COQ10B: variants seen among roughly 807,000 people sequenced by gnomAD.
COQ10B encodes the protein coenzyme Q10B, also known as coenzyme Q-binding protein COQ10 homolog B, mitochondrial.
In COQ10B, 12 loss-of-function variants were observed where a neutral mutation model predicts 27.6. The ratio of observed to expected loss-of-function variants is 0.43; its 90% CI spans 0.28 to 0.70. The LOEUF (loss-of-function observed/expected upper bound fraction) is 0.70, where lower values mean the gene tolerates loss of function less well. Ranked by LOEUF, COQ10B falls within the 30% of genes least tolerant of loss-of-function variation. COQ10B has a pLI of 0.17. For synonymous variants in COQ10B, 115 were observed against 103.0 expected, an observed-to-expected ratio of 1.12 and a Z score of -0.71; for missense variants, 278 against 288.7, an observed-to-expected ratio of 0.96 and a Z score of 0.27.
rs1352597056 is a variant in COQ10B at position 197,473,464 on chromosome 2, A to ATG, written c.550-291_550-290dup. Among the ~76,000 whole-genome samples, 4 of 137,362 alleles carry ATG rather than the reference A, an allele frequency of 2.9e-5. No individual in the cohort carries two copies. The Admixed American group carries it at 3.0e-4, about 10-fold the overall frequency. The allele number at this position is 137,362 out of a possible 152,430, so 90.1% of individuals were successfully genotyped here. A position where few individuals can be genotyped will look rare whatever the true frequency, so the allele number is the denominator to read the frequency against. On this transcript the variant is annotated intron_variant, in intron 4 of 4. Coordinates refer to ENST00000263960, the MANE Select transcript of COQ10B (RefSeq NM_025147.5). ...TATACACATATATACATATATATAT[A>ATG]TGTATATATACACGTATATATATGT...
At chr2:197,458,393 G>A (rs2085722615) in intron 1 of COQ10B, among the ~76,000 whole-genome samples, 1 of 151,870 alleles carries the variant, frequency 6.6e-6, no homozygotes, top group East Asian at 1.9e-4. Flanking sequence ...ATCTTTTAAG[G>A]GATTCCTAGG....
At chr2:197,462,268 CAAA>C (rs59048976) in intron 2 of COQ10B, among the ~76,000 whole-genome samples, 5 of 87,154 alleles carry the variant, frequency 5.7e-5, no homozygotes, top group Non-Finnish European at 4.9e-5. Context: ...GACTCCATCT[CAAA>C]AAAAAAAAAA....
At chr2:197,462,854 T>G in intron 3 of COQ10B, 123 bp downstream of exon 3, 1 of 557,288 alleles carries the variant, frequency 1.8e-6, no homozygotes, top group Non-Finnish European at 3.1e-6. Flanking sequence ...AAAAAATTTA[T>G]TATATCTCCT....
chr2:197,467,818 C>G (rs182492739), intron 3 of COQ10B, among the ~76,000 whole-genome samples: 1 of 152,334 alleles, frequency 6.6e-6, no homozygotes, highest in African/African-American at 2.4e-5. Flanking sequence ...ATGCCTGTCA[C>G]TTAATATGTC....
intron 3 of COQ10B, 127 bp from the exon 4 acceptor site, chr2:197,469,943 C>T: frequency 2.1e-6 from 1 of 483,788 alleles, no homozygotes; most frequent in South Asian, 3.8e-5. Flanking sequence ...ATATCTTTAT[C>T]TCCTATGGTC....
intron 3 of COQ10B, among the ~76,000 whole-genome samples, chr2:197,465,383 G>A (rs935460573): frequency 2.7e-5 from 4 of 149,988 alleles, no homozygotes; most frequent in East Asian, 4.1e-4. Context: ...TCTGCCTCCC[G>A]GATTCAAGTG....
At chr2:197,457,364 T>A (rs946045783) in intron 1 of COQ10B, among the ~76,000 whole-genome samples, 2 of 152,208 alleles carry the variant, frequency 1.3e-5, no homozygotes, top group Non-Finnish European at 2.9e-5. Flanking sequence ...GTTGAATGTT[T>A]GAGATGATGG....
chr2:197,456,412 C>T (rs1183943283), intron 1 of COQ10B, among the ~76,000 whole-genome samples: 1 of 149,386 alleles, frequency 6.7e-6, no homozygotes, highest in Middle Eastern at 3.6e-3. Flanking sequence ...TGCAGTGAGC[C>T]GAGATAGCAC....
Position 197,454,045 on chromosome 2 carries a change from T to C in COQ10B, c.104+381T>C, listed in dbSNP as rs1354330803. ...TGCTGGCTGTATGGGAGTTTGTGTT[T>C]GGCGGTGAGCCCCCTTCTCCGGTTC... On this transcript the variant is annotated intron_variant, in intron 1 of 4. Coordinates refer to ENST00000263960, the MANE Select transcript of COQ10B (RefSeq NM_025147.5). The C allele has an allele frequency of 1.9e-6, 3 of 1,551,254 alleles. No individual in the cohort carries two copies. The East Asian group carries it at 7.3e-5, about 38-fold the overall frequency.
intron 3 of COQ10B, 148 bp from the exon 4 acceptor site, chr2:197,469,922 C>A (rs2085861769): frequency 6.8e-6 from 3 of 439,136 alleles, no homozygotes; most frequent in Middle Eastern, 6.3e-4. Flanking sequence ...TAGTACCAAG[C>A]TAAAAATTAG....
intron 1 of COQ10B, among the ~76,000 whole-genome samples, chr2:197,458,749 C>A (rs1041599001): frequency 4.7e-5 from 7 of 148,524 alleles, no homozygotes; most frequent in African/African-American, 1.7e-4. Context: ...TGCACAACTT[C>A]GGCTTACTGC....
chr2:197,471,897 G>A (rs545984302), intron 4 of COQ10B, among the ~76,000 whole-genome samples: 3 of 148,826 alleles, frequency 2.0e-5, no homozygotes, highest in East Asian at 2.0e-4. Context: ...ATCTGAGATC[G>A]TACCACTGCA....
At chr2:197,469,276 C>T (rs998019121) in intron 3 of COQ10B, among the ~76,000 whole-genome samples, 1 of 152,222 alleles carries the variant, frequency 6.6e-6, no homozygotes, top group Non-Finnish European at 1.5e-5. Context: ...ATAATCATAG[C>T]TTACTGCAGC....
chr2:197,454,025 G>T (rs1290927594), intron 1 of COQ10B: 1 of 1,551,140 alleles, frequency 6.4e-7, no homozygotes, highest in Non-Finnish European at 8.7e-7. Context: ...CCGGCTGCTG[G>T]CTGTATGGGA....
intron 2 of COQ10B, among the ~76,000 whole-genome samples, chr2:197,460,551 T>C (rs1231239873): frequency 1.3e-5 from 2 of 152,234 alleles, no homozygotes; most frequent in African/African-American, 4.8e-5. Flanking sequence ...AACTCTTTAG[T>C]ATAGACTTAA....
chr2:197,467,472 G>A (rs948203305), intron 3 of COQ10B, among the ~76,000 whole-genome samples: 2 of 151,966 alleles, frequency 1.3e-5, no homozygotes, highest in Admixed American at 6.6e-5. Context: ...CTGCCTCCTA[G>A]GTTCAAGCGA....
chr2:197,462,172 G>A (rs1168093357), intron 2 of COQ10B, among the ~76,000 whole-genome samples: 3 of 151,700 alleles, frequency 2.0e-5, no homozygotes, highest in Non-Finnish European at 4.4e-5. Flanking sequence ...GGGAGACTGA[G>A]GCAGGAGAAT....
At chr2:197,458,295 C>T (rs2085721771) in intron 1 of COQ10B, among the ~76,000 whole-genome samples, 1 of 152,024 alleles carries the variant, frequency 6.6e-6, no homozygotes, top group East Asian at 1.9e-4. Context: ...TATATACATA[C>T]ACACGCACAC....
chr2:197,467,604 C>T (rs544579698), intron 3 of COQ10B, among the ~76,000 whole-genome samples: 4 of 151,578 alleles, frequency 2.6e-5, no homozygotes, highest in South Asian at 2.1e-4. Context: ...CTCGAACTCC[C>T]GAACTCAGGT....
Sources: gnomAD v4.1 joint callset for allele counts (sites outside exome capture counted in the v4.1 genomes callset) on GRCh38, gnomAD v4.1.1 for gene constraint, MANE v1.5 for transcripts, NCBI Gene and HGNC (gene_info 2026-07-23, HGNC 2026-07-21) for gene names.